The following CLASP2 variants were observed in gnomAD, a reference collection of about 807,000 sequenced individuals.
The protein encoded by CLASP2 is cytoplasmic linker associated protein 2, also known as CLIP-associating protein 2.
In CLASP2, 47 loss-of-function variants were observed where a neutral mutation model predicts 194.4. The ratio of observed to expected loss-of-function variants is 0.24; its 90% CI spans 0.19 to 0.31. The LOEUF (loss-of-function observed/expected upper bound fraction) is 0.31, where lower values mean the gene tolerates loss of function less well. Among genes scored for constraint, CLASP2 ranks in the 10% least tolerant of loss-of-function variants. The probability of loss-of-function intolerance (pLI) is 1.00; values close to 1 mark genes in which losing one functional copy is unlikely to be tolerated. For synonymous variants in CLASP2, 619 were observed against 633.5 expected, an observed-to-expected ratio of 0.98 and a Z score of 0.34; for missense variants, 1,445 against 1,823.6, an observed-to-expected ratio of 0.79 and a Z score of 3.78.
At chr3:33,560,701 G>A in intron 28 of CLASP2, 107 bp downstream of exon 28, 1 of 866,054 alleles carries the variant, frequency 1.2e-6, no homozygotes. Context: ...CGGAATCCAT[G>A]CAGTCTAAAT....
intron 32 of CLASP2, among the ~76,000 whole-genome samples, chr3:33,540,691 T>C (rs1369805852): frequency 6.6e-6 from 1 of 152,146 alleles, no homozygotes; most frequent in Non-Finnish European, 1.5e-5. Context: ...TATTATCCAA[T>C]AATGTTAATG....
At chr3:33,570,842 T>C (rs374461271) in intron 25 of CLASP2, 52 bp from the exon 26 acceptor site, 4 of 1,399,374 alleles carry the variant, frequency 2.9e-6, no homozygotes, top group Non-Finnish European at 3.8e-6. Context: ...CAAGAAGTCA[T>C]GTAAAAGTAA....
chr3:33,520,823 AC>A (rs2052818110), intron 34 of CLASP2, among the ~76,000 whole-genome samples: 1 of 11,432 alleles, frequency 8.7e-5, no homozygotes, highest in Non-Finnish European at 1.7e-4. Context: ...AAATCTCTAC[AC>A]ACACACACAC....
chr3:33,684,064 A>C (rs2154344837), intron 6 of CLASP2, among the ~76,000 whole-genome samples: 1 of 151,678 alleles, frequency 6.6e-6, no homozygotes. Context: ...ACCAACATGG[A>C]AAAACCCCGT....
At chr3:33,647,320 CT>C (rs369420412) in intron 7 of CLASP2, among the ~76,000 whole-genome samples, 159 of 152,184 alleles carry the variant, frequency 1.0e-3, no homozygotes, top group African/African-American at 3.8e-3. Context: ...AATGTGGCCC[CT>C]ATACCAGCAG....
chr3:33,586,145 TC>T (rs1027567740), intron 21 of CLASP2, among the ~76,000 whole-genome samples: 3 of 151,452 alleles, frequency 2.0e-5, no homozygotes, highest in African/African-American at 2.4e-5. Context: ...TTTTCTTTTT[TC>T]CCCCCCGAGA....
chr3:33,538,995 C>T, intron 32 of CLASP2, 53 bp from the exon 33 acceptor site: 1 of 1,296,716 alleles, frequency 7.7e-7, no homozygotes, highest in South Asian at 1.6e-5. Context: ...AAAATACAAA[C>T]ACATCTGAGG....
At chr3:33,596,314 C>T (rs1475266325) in intron 19 of CLASP2, among the ~76,000 whole-genome samples, 8 of 152,008 alleles carry the variant, frequency 5.3e-5, no homozygotes, top group Non-Finnish European at 1.2e-4. Flanking sequence ...TATGAACTTA[C>T]GAAATATGTC....
intron 1 of CLASP2, among the ~76,000 whole-genome samples, chr3:33,715,834 A>C (rs2093266723): frequency 1.2e-5 from 1 of 83,906 alleles, no homozygotes; most frequent in South Asian, 4.2e-4. Context: ...AGTATGTTTT[A>C]TTGTATCTTA....
At chr3:33,612,620 C>T (rs2075390683) in intron 12 of CLASP2, among the ~76,000 whole-genome samples, 1 of 152,126 alleles carries the variant, frequency 6.6e-6, no homozygotes, top group South Asian at 2.1e-4. Context: ...TTATGCCCTT[C>T]TTTAGTGAAG....
At chr3:33,502,775 T>C (rs889123794) in intron 37 of CLASP2, 1 of 152,206 alleles carries the variant, frequency 6.6e-6, no homozygotes, top group African/African-American at 2.4e-5. Flanking sequence ...GCAGAAACAT[T>C]AAAATATCAA....
intron 1 of CLASP2, among the ~76,000 whole-genome samples, 158 bp from the exon 2 acceptor site, chr3:33,697,091 C>A (rs561396790): frequency 3.9e-5 from 6 of 151,998 alleles, no homozygotes; most frequent in African/African-American, 1.4e-4. Flanking sequence ...GGTTAAGCAC[C>A]CTAATCTCAA....
At chr3:33,564,872 G>A (rs1009653278) in intron 27 of CLASP2, among the ~76,000 whole-genome samples, 2 of 152,126 alleles carry the variant, frequency 1.3e-5, no homozygotes, top group South Asian at 4.2e-4. Flanking sequence ...TTACAGACGT[G>A]AGCCATGTGC....
intron 29 of CLASP2, among the ~76,000 whole-genome samples, chr3:33,551,817 TG>T (rs2060046384): frequency 6.6e-6 from 1 of 152,212 alleles, no homozygotes; most frequent in Admixed American, 6.5e-5. Context: ...GGCTGACTCT[TG>T]GCTAGCCTCA....
intron 1 of CLASP2, among the ~76,000 whole-genome samples, chr3:33,716,014 A>G (rs1161164887): frequency 1.3e-5 from 2 of 152,196 alleles, no homozygotes; most frequent in Non-Finnish European, 2.9e-5. Context: ...TAGGAAAGAG[A>G]GCAGAATTGA....
rs1256605507 is a variant in CLASP2, at chr3:33,718,158, C to A, written c.-156G>T. ...GCGCAGCGGGCGGCGGGAGGAACGCCAAGCGCCCAGCCGCCCCCAAACTAG... is the reference window on the plus strand; with the variant it reads ...GCGCAGCGGGCGGCGGGAGGAACGCAAAGCGCCCAGCCGCCCCCAAACTAG... On this transcript the variant is annotated 5_prime_UTR_variant, in exon 1 of 39. Coordinates refer to ENST00000682230, the MANE Select transcript of CLASP2 (RefSeq NM_001365631.1). The A allele has an allele frequency of 1.5e-6, 1 of 654,006 alleles. No individual in the cohort carries two copies. The highest frequency in any genetic ancestry group is 2.3e-6 in the Non-Finnish European group (1 of 434,380). The allele number at this position is 654,006 out of a possible 1,614,324, so 40.5% of individuals were successfully genotyped here.
chr3:33,660,287 C>G (rs890322876), intron 7 of CLASP2, among the ~76,000 whole-genome samples: 3 of 152,152 alleles, frequency 2.0e-5, no homozygotes, highest in African/African-American at 4.8e-5. Context: ...GGCTGGTGTT[C>G]CCTCCTTCTA....
rs2057112291 is a variant in CLASP2, at chr3:33,535,245, G to T, written c.3775C>A (p.Gln1259Lys). Residue 1259 changes from glutamine to lysine, a missense_variant, in exon 34 of 39, where the codon CAG becomes AAG. Physicochemically the swap from Gln to Lys is moderately conservative, Grantham distance 53 (BLOSUM62 1). Transcript: ENST00000682230. ...KEAMFDDDAD[Q>K]FPDDLSLDHS... ...ACCCAGAACATACCGTCAGGAAACT[G>T]GTCAGCATCATCATCAAACATGGCT... 1 of 1,612,656 alleles carries T rather than the reference G, an allele frequency of 6.2e-7. No homozygotes were observed. The highest frequency in any genetic ancestry group is 1.1e-5 in the South Asian group (1 of 91,012).
chr3:33,541,878 T>G (rs6791735), intron 32 of CLASP2, among the ~76,000 whole-genome samples: 28,597 of 152,078 alleles, frequency 0.19, 3,059 homozygotes, highest in Admixed American at 0.32. Flanking sequence ...TGGCTCAAAT[T>G]ATATTTCTGT....
Sources: gnomAD v4.1 joint callset for allele counts (sites outside exome capture counted in the v4.1 genomes callset) on GRCh38, gnomAD v4.1.1 for gene constraint, MANE v1.5 for transcripts, NCBI Gene and HGNC (gene_info 2026-07-23, HGNC 2026-07-21) for gene names.